IGF1R: variants seen among roughly 807,000 people sequenced by gnomAD.
IGF1R encodes insulin like growth factor 1 receptor.
A neutral mutation model predicts 144.6 loss-of-function variants in IGF1R; 44 were observed. That is an observed-to-expected ratio of 0.30 (90% confidence interval 0.24 to 0.39). The LOEUF is 0.39. Among genes scored for constraint, IGF1R ranks in the 10% least tolerant of loss-of-function variants. The pLI is 1.00. For missense variants in IGF1R, 1,355 were observed against 1,833.7 expected (o/e 0.74, Z 4.77); for synonymous variants, 795 against 722.8 (o/e 1.10, Z -1.60).
At chr15:98,649,819 T>A in intron 1 of IGF1R, 144 bp downstream of exon 1, 2 of 613,400 alleles carry the variant, frequency 3.3e-6, no homozygotes, top group Non-Finnish European at 5.6e-6. Context: ...AGGGCGGCTC[T>A]GCCGGGAGGG....
At position 98,675,826 on chromosome 15, in the gene IGF1R, C is replaced by CTTTTTT. The variant is rs869068918; in HGVS notation, c.94+26165_94+26170dup. Among the ~76,000 whole-genome samples the CTTTTTT allele has an allele frequency of 4.9e-3, 227 of 46,160 alleles. 2 individuals are homozygous for CTTTTTT. Among genetic ancestry groups the CTTTTTT allele is most frequent in the Middle Eastern group, 0.013 (1 of 76 alleles). The allele number at this position is 46,160 out of a possible 152,430, so 30.3% of individuals were successfully genotyped here. On this transcript the variant is annotated intron_variant, in intron 1 of 20. Coordinates refer to ENST00000650285, the MANE Select transcript of IGF1R (RefSeq NM_000875.5). The stretch of plus-strand genomic sequence containing the variant: ...TTTTCTTTTTTTTCTTTCTTTCTTT[C>CTTTTTT]TTTTTTTTTTTTTTTTTTTGAGAGA...
At chr15:98,946,438 A>G (rs1567216096) in intron 19 of IGF1R, among the ~76,000 whole-genome samples, 1 of 152,198 alleles carries the variant, frequency 6.6e-6, no homozygotes, top group African/African-American at 2.4e-5. Context: ...GCCGGAGTAT[A>G]CAGCTGCATT....
At chr15:98,745,720 G>A (rs1427052429) in intron 2 of IGF1R, among the ~76,000 whole-genome samples, 1 of 151,150 alleles carries the variant, frequency 6.6e-6, no homozygotes, top group Non-Finnish European at 1.5e-5. Context: ...TTCCTGTTCC[G>A]AGGCTTAAAG....
At chr15:98,820,126 G>T (rs55676225) in intron 2 of IGF1R, among the ~76,000 whole-genome samples, 5,399 of 152,168 alleles carry the variant, frequency 0.035, 335 homozygotes, top group African/African-American at 0.12. Context: ...TGTGGTTGAA[G>T]TTCAGCCATC....
intron 2 of IGF1R, among the ~76,000 whole-genome samples, chr15:98,746,670 C>G (rs1352288303): frequency 6.6e-6 from 1 of 152,184 alleles, no homozygotes; most frequent in African/African-American, 2.4e-5. Flanking sequence ...CCTTTGGTCT[C>G]CTTTTCCTTG....
chr15:98,724,101 C>T (rs188327903), intron 2 of IGF1R, among the ~76,000 whole-genome samples: 1 of 152,140 alleles, frequency 6.6e-6, no homozygotes, highest in East Asian at 1.9e-4. Context: ...TTTTGTTATC[C>T]TTTAAGGTTA....
intron 1 of IGF1R, among the ~76,000 whole-genome samples, chr15:98,699,582 CTGTT>C: frequency 6.6e-6 from 1 of 152,310 alleles, no homozygotes; most frequent in East Asian, 1.9e-4. Context: ...CTGCGCCAGT[CTGTT>C]TGGCTACAGA....
At chr15:98,654,674 C>G (rs1016139729) in intron 1 of IGF1R, among the ~76,000 whole-genome samples, 2 of 152,084 alleles carry the variant, frequency 1.3e-5, no homozygotes, top group African/African-American at 4.8e-5. Flanking sequence ...GAGGTATTTG[C>G]GCCTGTGGGC....
intron 1 of IGF1R, among the ~76,000 whole-genome samples, chr15:98,666,349 T>C (rs2141187046): frequency 6.6e-6 from 1 of 152,158 alleles, no homozygotes; most frequent in African/African-American, 2.4e-5. Context: ...ATCATAGAAT[T>C]GCCATATGAT....
intron 2 of IGF1R, among the ~76,000 whole-genome samples, chr15:98,847,289 C>T (rs2011367462): frequency 6.6e-6 from 1 of 152,144 alleles, no homozygotes; most frequent in African/African-American, 2.4e-5. Context: ...GGACAGTCCA[C>T]TCTTTACAGG....
At position 98,939,284 on chromosome 15, in the gene IGF1R, C is replaced by T. The variant is rs758843665; in HGVS notation, c.3381C>T (p.Asn1127=). ...TTGCAGACGGCATGGCATACCTCAACGCCAATAAGTTCGTCCACAGAGACC... is the reference window on the plus strand; with the variant it reads ...TTGCAGACGGCATGGCATACCTCAATGCCAATAAGTTCGTCCACAGAGACC... ...GEIADGMAYL[N]ANKFVHRDLA... is the part of the protein sequence containing the mutation. Residue 1127 remains asparagine, a synonymous_variant, in exon 18 of 21, where the codon AAC becomes AAT. Coordinates refer to ENST00000650285, the MANE Select transcript of IGF1R (RefSeq NM_000875.5). 28 of 1,613,646 alleles carry T rather than the reference C, an allele frequency of 1.7e-5. No homozygotes were observed. The highest frequency in any genetic ancestry group is 3.3e-5 in the Admixed American group (2 of 60,002).
intron 2 of IGF1R, among the ~76,000 whole-genome samples, chr15:98,800,141 G>A (rs2056331455): frequency 6.6e-6 from 1 of 152,086 alleles, no homozygotes; most frequent in Admixed American, 6.6e-5. Context: ...GTTTTACAGA[G>A]CTTGTTGAGT....
chr15:98,713,782 A>C lies in IGF1R; in HGVS notation c.640+5675A>C, dbSNP rs567602274. Among the ~76,000 whole-genome samples, 579 of 152,212 alleles carry C rather than the reference A, an allele frequency of 3.8e-3. 4 individuals carry two copies. The highest frequency in any genetic ancestry group is 0.013 in the African/African-American group (540 of 41,538). ...ATGCCTTCACTTTCCCACAAAAAAA[A>C]CCCCAACAAAACCTAAGACCTTACT... On this transcript the variant is annotated intron_variant, in intron 2 of 20. Coordinates refer to ENST00000650285, the MANE Select transcript of IGF1R (RefSeq NM_000875.5).
chr15:98,819,112 C>T (rs2056756394), intron 2 of IGF1R, among the ~76,000 whole-genome samples: 1 of 151,998 alleles, frequency 6.6e-6, no homozygotes, highest in Non-Finnish European at 1.5e-5. Flanking sequence ...AGAAATGCCT[C>T]AGACATCCAG....
At chr15:98,802,101 T>C (rs1481042113) in intron 2 of IGF1R, among the ~76,000 whole-genome samples, 1 of 152,094 alleles carries the variant, frequency 6.6e-6, no homozygotes, top group East Asian at 1.9e-4. Flanking sequence ...TGGGCTGTTG[T>C]AGGCATGGGT....
intron 5 of IGF1R, among the ~76,000 whole-genome samples, chr15:98,908,128 G>C (rs1389922077): frequency 2.0e-5 from 3 of 152,216 alleles, no homozygotes; most frequent in Non-Finnish European, 4.4e-5. Flanking sequence ...CCAGGGACTG[G>C]AGCTGGGGCT....
At chr15:98,788,990 A>G (rs1226914669) in intron 2 of IGF1R, among the ~76,000 whole-genome samples, 2 of 152,106 alleles carry the variant, frequency 1.3e-5, no homozygotes, top group Non-Finnish European at 2.9e-5. Context: ...CTTTTAACTT[A>G]GAAAGTCATT....
chr15:98,805,315 T>C (rs1041036327), intron 2 of IGF1R, among the ~76,000 whole-genome samples: 18 of 152,162 alleles, frequency 1.2e-4, no homozygotes, highest in African/African-American at 4.3e-4. Flanking sequence ...ATTTTTTTTT[T>C]CTTTGTGTTT....
At chr15:98,650,331 C>T (rs557350205) in intron 1 of IGF1R, among the ~76,000 whole-genome samples, 14 of 152,314 alleles carry the variant, frequency 9.2e-5, no homozygotes, top group Admixed American at 9.1e-4. Flanking sequence ...CTTTGGCCCG[C>T]TCCTCGTTGG....
Sources: gnomAD v4.1 joint callset for allele counts (sites outside exome capture counted in the v4.1 genomes callset) on GRCh38, gnomAD v4.1.1 for gene constraint, MANE v1.5 for transcripts, NCBI Gene and HGNC (gene_info 2026-07-23, HGNC 2026-07-21) for gene names.